IKBKB: variants seen among roughly 807,000 people sequenced by gnomAD.
IKBKB encodes inhibitor of nuclear factor kappa B kinase subunit beta, also known as inhibitor of nuclear factor kappa-B kinase subunit beta.
A neutral mutation model predicts 113.6 loss-of-function variants in IKBKB; 42 were observed. The observed-to-expected ratio is 0.37, with a 90% confidence interval of 0.29 to 0.48. The LOEUF is 0.48. Ranked by LOEUF, IKBKB falls within the 20% of genes least tolerant of loss-of-function variation. IKBKB has a pLI of 0.99. For missense variants in IKBKB, 673 were observed against 939.7 expected, an observed-to-expected ratio of 0.72 and a Z score of 3.71; for synonymous variants, 296 against 361.3, an observed-to-expected ratio of 0.82 and a Z score of 2.05.
Position 42,296,271 on chromosome 8 carries a change from C to T in IKBKB, c.388+2759C>T, listed in dbSNP as rs566490856. Among the ~76,000 whole-genome samples the T allele has an allele frequency of 4.6e-5, 7 of 152,236 alleles. No individual in the cohort carries two copies. The East Asian group carries it at 7.7e-4, about 17-fold the overall frequency. ...CAGCACTTTGGGAGGCGGAAGCGGA[C>T]GGATCACCTGAGGTCAGGAGTTTGA... On this transcript the variant is annotated intron_variant, in intron 5 of 21. Transcript: ENST00000520810.
chr8:42,322,185 A>G lies in IKBKB; in HGVS notation c.1838+32A>G, dbSNP rs1050167567. 5 of 1,588,840 alleles carry G rather than the reference A, an allele frequency of 3.1e-6. 1 individual carries two copies. In the African/African-American group the frequency reaches 4.0e-5, roughly 13 times the overall value. ...GCCCCGACCTTCCTGCTCTGGAGGA[A>G]GGACTGGGAGATGCAGGTATGAGGT... On this transcript the variant is annotated intron_variant, in intron 18 of 21. Transcript: ENST00000520810.
At chr8:42,311,005 A>G (rs1346495782) in intron 8 of IKBKB, among the ~76,000 whole-genome samples, 1 of 152,210 alleles carries the variant, frequency 6.6e-6, no homozygotes, top group Non-Finnish European at 1.5e-5. Context: ...ATTCTTGCAC[A>G]CAGTTGTTTC....
At chr8:42,305,827 G>A (rs949536480) in intron 6 of IKBKB, among the ~76,000 whole-genome samples, 11 of 152,234 alleles carry the variant, frequency 7.2e-5, no homozygotes, top group Admixed American at 2.0e-4. Context: ...CAGCTGGGGT[G>A]GTGAGCACAG....
At chr8:42,309,705 C>A (rs1817326194) in intron 8 of IKBKB, 1 of 155,056 alleles carries the variant, frequency 6.4e-6, no homozygotes, top group Non-Finnish European at 1.4e-5. Context: ...TGCAATCCAG[C>A]CTGGGCGACA....
Position 42,306,412 on chromosome 8 carries a change from G to T in IKBKB, c.547G>T (p.Val183Leu). Residue 183 changes from valine to leucine, a missense_variant, in exon 7 of 22, where the codon GTG becomes TTG. By Grantham distance (32) the Val-to-Leu change is conservative. Transcript: ENST00000520810. ...LDQGSLCTSF[V>L]GTLQYLAPEL... ...TCAGGGCAGTCTTTGCACATCATTC[G>T]TGGGGACCCTGCAGTACCTGGTAAG... 6.2e-7 allele frequency: 1 copy of T among 1,612,472 alleles called. No individual in the cohort carries two copies. Among genetic ancestry groups the T allele is most frequent in the Non-Finnish European group, 8.5e-7 (1 of 1,178,562 alleles).
rs964717462 is a variant in IKBKB, at chr8:42,290,373, C to G, written c.318+100C>G. Reference sequence around the variant, plus strand: ...TTTCACTTCTGTCATCATCAGGAAGCTTGGGGAGCCCCAGTGACTCCAGCA... The same window carrying G: ...TTTCACTTCTGTCATCATCAGGAAGGTTGGGGAGCCCCAGTGACTCCAGCA... On this transcript the variant is annotated intron_variant, in intron 4 of 21. Transcript: ENST00000520810. The G allele has an allele frequency of 1.4e-5, 11 of 777,224 alleles. No individual in the cohort carries two copies. In the African/African-American group the frequency reaches 1.9e-4, roughly 13 times the overall value. 48.1% of individuals were successfully genotyped at this position (777,224 alleles called of 1,614,324 possible).
At chr8:42,325,656 C>A in intron 19 of IKBKB, 1 of 1,082,732 alleles carries the variant, frequency 9.2e-7, no homozygotes, top group East Asian at 8.3e-5. Context: ...TCAGCCCAGG[C>A]GACAGAGCAA....
chr8:42,319,533 G>T, intron 14 of IKBKB, 52 bp from the exon 15 acceptor site: 2 of 1,578,564 alleles, frequency 1.3e-6, no homozygotes, highest in East Asian at 2.2e-5. Context: ...TTTCAGTTTT[G>T]TGGTGTTTTT....
intron 7 of IKBKB, 129 bp downstream of exon 7, chr8:42,306,561 G>A (rs1816567672): frequency 1.5e-6 from 1 of 674,858 alleles, no homozygotes; most frequent in African/African-American, 1.8e-5. Flanking sequence ...GATGCATGAG[G>A]TCACACCCAT....
chr8:42,303,569 A>G (rs1377480717), intron 5 of IKBKB, among the ~76,000 whole-genome samples: 1 of 151,030 alleles, frequency 6.6e-6, no homozygotes, highest in East Asian at 1.9e-4. Flanking sequence ...AGTGGCCATG[A>G]TCTCGGCTCA....
intron 2 of IKBKB, among the ~76,000 whole-genome samples, chr8:42,281,697 C>G (rs1009055903): frequency 6.6e-6 from 1 of 152,170 alleles, no homozygotes; most frequent in Non-Finnish European, 1.5e-5. Flanking sequence ...GTCCTCCTGC[C>G]CAGTCTCTCT....
At chr8:42,325,488 G>A in intron 19 of IKBKB, 2 of 757,946 alleles carry the variant, frequency 2.6e-6, no homozygotes, top group Non-Finnish European at 3.2e-6. Flanking sequence ...AGACCAGCCT[G>A]GCCAATATGG....
chr8:42,275,240 T>G (rs1443470818), intron 2 of IKBKB, among the ~76,000 whole-genome samples: 1 of 151,668 alleles, frequency 6.6e-6, no homozygotes, highest in East Asian at 1.9e-4. Context: ...CCAGGCTGAG[T>G]GCAGTGGTGC....
At chr8:42,279,236 C>G (rs1235101183) in intron 2 of IKBKB, among the ~76,000 whole-genome samples, 1 of 152,190 alleles carries the variant, frequency 6.6e-6, no homozygotes, top group East Asian at 1.9e-4. Flanking sequence ...TGTCCAAGTT[C>G]AGAAGATGAG....
intron 5 of IKBKB, among the ~76,000 whole-genome samples, chr8:42,303,083 GAGAGAGAA>G: frequency 6.9e-6 from 1 of 145,730 alleles, no homozygotes; most frequent in Non-Finnish European, 1.5e-5. Context: ...GAGAGAGAGA[GAGAGAGAA>G]TGAGAGAGAG....
chr8:42,281,249 G>A (rs937164122), intron 2 of IKBKB, among the ~76,000 whole-genome samples: 45 of 152,280 alleles, frequency 3.0e-4, no homozygotes, highest in Admixed American at 9.8e-4. Context: ...GACAGAAGCC[G>A]ACTCAGGTGG....
chr8:42,301,736 C>T (rs990113918), intron 5 of IKBKB, among the ~76,000 whole-genome samples: 10 of 152,190 alleles, frequency 6.6e-5, no homozygotes, highest in Non-Finnish European at 1.2e-4. Flanking sequence ...AGTTACCAAC[C>T]TCTTGTCCCT....
intron 2 of IKBKB, among the ~76,000 whole-genome samples, chr8:42,284,194 C>T (rs1432910621): frequency 6.6e-6 from 1 of 152,108 alleles, no homozygotes; most frequent in Non-Finnish European, 1.5e-5. Context: ...AGGGTGAAGG[C>T]GAAAGGGCAA....
chr8:42,278,438 C>T (rs115302504), intron 2 of IKBKB, among the ~76,000 whole-genome samples: 212 of 152,212 alleles, frequency 1.4e-3, no homozygotes, highest in African/African-American at 4.9e-3. Flanking sequence ...CAGTGGGCAG[C>T]GTGCTGGGAA....
Sources: gnomAD v4.1 joint callset for allele counts (sites outside exome capture counted in the v4.1 genomes callset) on GRCh38, gnomAD v4.1.1 for gene constraint, MANE v1.5 for transcripts, NCBI Gene and HGNC (gene_info 2026-07-23, HGNC 2026-07-21) for gene names.